CYP4X1: variants seen among roughly 807,000 people sequenced by gnomAD.
The protein encoded by CYP4X1 is cytochrome P450 family 4 subfamily X member 1.
CYP4X1 carries 44 observed loss-of-function variants against 57.9 expected under a neutral mutation model. That is an observed-to-expected ratio of 0.76 (90% confidence interval 0.60 to 0.98). The LOEUF (loss-of-function observed/expected upper bound fraction) is 0.98. Ranked by LOEUF, CYP4X1 falls within the 50% of genes least tolerant of loss-of-function variation. The pLI, the probability that CYP4X1 is intolerant of heterozygous loss-of-function variation, is 0.00. For missense variants in CYP4X1, 532 were observed against 623.9 expected, an observed-to-expected ratio of 0.85 and a Z score of 1.57; for synonymous variants, 227 against 228.6, an observed-to-expected ratio of 0.99 and a Z score of 0.06.
chr1:46,975,794 G>T, the CYP4X1 span, among the ~76,000 whole-genome samples: 1 of 152,052 alleles, frequency 6.6e-6, no homozygotes, highest in Non-Finnish European at 1.5e-5. Context: ...TGTCTTTCAT[G>T]CATGTTGGTG....
chr1:46,969,886 A>G, the CYP4X1 span, among the ~76,000 whole-genome samples: 1 of 152,252 alleles, frequency 6.6e-6, no homozygotes, highest in Non-Finnish European at 1.5e-5. Flanking sequence ...ATGGAAATGG[A>G]GATGTAATTA....
chr1:46,963,915 C>T, the CYP4X1 span, among the ~76,000 whole-genome samples: 3 of 152,188 alleles, frequency 2.0e-5, no homozygotes, highest in Non-Finnish European at 2.9e-5. Context: ...TCACATAGTC[C>T]CATATTTCTT....
chr1:47,046,737 A>C, intron 9 of CYP4X1, 137 bp downstream of exon 9: 1 of 1,287,106 alleles, frequency 7.8e-7, no homozygotes, highest in Non-Finnish European at 1.1e-6. Context: ...TTTATCACCT[A>C]TGAGGAGCTC....
intron 1 of CYP4X1, among the ~76,000 whole-genome samples, chr1:47,024,268 G>A (rs887976484): frequency 1.3e-5 from 2 of 152,234 alleles, no homozygotes; most frequent in Admixed American, 6.5e-5. Flanking sequence ...AAAAGAAAGC[G>A]AGCTGTAACT....
chr1:47,038,689 C>G lies in CYP4X1; in HGVS notation c.805C>G (p.Leu269Val), dbSNP rs1366423403. Residue 269 changes from leucine to valine, a missense_variant, in exon 7 of 12, where the codon CTC becomes GTC. Transcript: ENST00000371901. Reference protein sequence around the residue: ...DTIIQERKKSLQAGVKQDNTP... With the variant: ...DTIIQERKKSVQAGVKQDNTP... Reference sequence around the variant, plus strand: ...AATAATCCAGGAAAGAAAGAAATCCCTCCAGGCTGGGGTAAAGCAGGATAA... The same window carrying G: ...AATAATCCAGGAAAGAAAGAAATCCGTCCAGGCTGGGGTAAAGCAGGATAA... The G allele has an allele frequency of 6.2e-7, 1 of 1,609,892 alleles. No individual in the cohort carries two copies. Among genetic ancestry groups the G allele is most frequent in the Admixed American group, 1.7e-5 (1 of 59,508 alleles).
In CYP4X1 at chr1:47,024,021, G is replaced by A. The variant is rs1186744126; in HGVS notation, c.177+27G>A. ...TAGATGGGAGGGAGGAGGGAGGAAG[G>A]AGGAGGGAGGGGCGGAGGAGGATGC... On this transcript the variant is annotated intron_variant, in intron 1 of 11. Transcript: ENST00000371901. 1.2e-5 allele frequency: 19 copies of A among 1,599,310 alleles called. No individual in the cohort carries two copies. The Admixed American group carries it at 2.2e-4, about 19-fold the overall frequency.
the CYP4X1 span, among the ~76,000 whole-genome samples, chr1:47,017,016 T>C: frequency 3.9e-5 from 6 of 152,246 alleles, no homozygotes; most frequent in Non-Finnish European, 8.8e-5. Flanking sequence ...ATCCATATTG[T>C]TGCAAATGAC....
intron 8 of CYP4X1, 41 bp downstream of exon 8, chr1:47,039,573 C>A: frequency 6.5e-7 from 1 of 1,529,104 alleles, no homozygotes; most frequent in Non-Finnish European, 8.8e-7. Flanking sequence ...AGTTTTCCCC[C>A]TGAGATTTTG....
At chr1:47,012,209 C>T in the CYP4X1 span, among the ~76,000 whole-genome samples, 25 of 152,188 alleles carry the variant, frequency 1.6e-4, no homozygotes, top group Non-Finnish European at 3.5e-4. Flanking sequence ...CACATATACA[C>T]CATTGAATAC....
chr1:47,009,504 G>C, the CYP4X1 span, among the ~76,000 whole-genome samples: 1 of 152,140 alleles, frequency 6.6e-6, no homozygotes, highest in Non-Finnish European at 1.5e-5. Flanking sequence ...AAAAGAACTA[G>C]AGAAGCAAGA....
In CYP4X1 at chr1:47,032,056, C is replaced by CA. The variant is rs56397619; in HGVS notation, c.364+586dup. Among the ~76,000 whole-genome samples the CA allele has an allele frequency of 4.3e-3, 630 of 147,870 alleles. 8 individuals carry two copies. Among genetic ancestry groups the CA allele is most frequent in the African/African-American group, 0.014 (570 of 40,432 alleles). ...AAACTCTGTCCGCAGCCCCCAACAA[C>CA]AAAAAAAAAACTACCCAAACTGCAG... On this transcript the variant is annotated intron_variant, in intron 3 of 11. Transcript: ENST00000371901.
At chr1:47,015,564 A>G in the CYP4X1 span, among the ~76,000 whole-genome samples, 11 of 152,326 alleles carry the variant, frequency 7.2e-5, no homozygotes, top group African/African-American at 2.4e-4. Flanking sequence ...CTTCAAAACC[A>G]AAACTACTGT....
At chr1:46,999,016 C>G in the CYP4X1 span, among the ~76,000 whole-genome samples, 1 of 112,174 alleles carries the variant, frequency 8.9e-6, no homozygotes, top group African/African-American at 4.2e-5. Context: ...ATGCCTTGGG[C>G]TTGCTTTCTT....
chr1:47,006,135 C>A, the CYP4X1 span, among the ~76,000 whole-genome samples: 1 of 152,202 alleles, frequency 6.6e-6, no homozygotes, highest in African/African-American at 2.4e-5. Flanking sequence ...AAATGTTTTA[C>A]ATAAACTTTT....
At chr1:47,017,888 C>T in the CYP4X1 span, among the ~76,000 whole-genome samples, 8 of 152,214 alleles carry the variant, frequency 5.3e-5, no homozygotes, top group Admixed American at 5.2e-4. Context: ...CAACCTTGGG[C>T]ACATGTCATC....
At chr1:46,986,169 G>T in the CYP4X1 span, among the ~76,000 whole-genome samples, 1 of 152,254 alleles carries the variant, frequency 6.6e-6, no homozygotes, top group East Asian at 1.9e-4. Context: ...GTTTAGAGAA[G>T]AATGTAAATG....
At chr1:47,019,176 A>G (rs1478066971), upstream of CYP4X1, among the ~76,000 whole-genome samples, 3 of 152,172 alleles carry the variant, frequency 2.0e-5, no homozygotes, top group Non-Finnish European at 2.9e-5. Flanking sequence ...TATAACTAAG[A>G]GCTGAGTCCT....
chr1:47,023,898 G>C lies in CYP4X1; in HGVS notation c.81G>C (p.Leu27=). 1.9e-6 allele frequency: 3 copies of C among 1,613,740 alleles called. No homozygotes were observed. The highest frequency in any genetic ancestry group is 2.5e-6 in the Non-Finnish European group (3 of 1,180,004). Residue 27 remains leucine (L), a synonymous_variant, in exon 1 of 12, where the codon CTG becomes CTC. Transcript: ENST00000371901. ...TGTTCTGCCTGGCCCTGGGGCTGCTGCAGGCCATTAAGCTGTACCTGCGGA... is the reference window on the plus strand; with the variant it reads ...TGTTCTGCCTGGCCCTGGGGCTGCTCCAGGCCATTAAGCTGTACCTGCGGA... ...AFVFCLALGL[L]QAIKLYLRRQ... is the part of the protein sequence containing the mutation.
In CYP4X1 at chr1:47,030,915, G is replaced by A. The variant is rs558417370; in HGVS notation, c.320-521G>A. The stretch of plus-strand genomic sequence containing the variant: ...AGGAGTGGGAAGTGTTGCTGACACT[G>A]AAGTCATAAAACCCACAGAGGCCAA... On this transcript the variant is annotated intron_variant, in intron 2 of 11. Coordinates refer to ENST00000371901, the MANE Select transcript of CYP4X1 (RefSeq NM_178033.2). Among the ~76,000 whole-genome samples, 30 of 152,188 alleles carry A rather than the reference G, an allele frequency of 2.0e-4. 1 individual carries two copies. Among genetic ancestry groups the A allele is most frequent in the African/African-American group, 7.2e-4 (30 of 41,524 alleles).
Sources: gnomAD v4.1 joint callset for allele counts (sites outside exome capture counted in the v4.1 genomes callset) on GRCh38, gnomAD v4.1.1 for gene constraint, MANE v1.5 for transcripts, NCBI Gene and HGNC (gene_info 2026-07-23, HGNC 2026-07-21) for gene names.